Variants in RAPGEF2 observed in about 807,000 individuals in gnomAD.
The protein encoded by RAPGEF2 is PDZ domain containing guanine nucleotide exchange factor (GEF) 1.
Under a neutral mutation model 186.7 loss-of-function variants are expected in RAPGEF2, and 54 were observed. That is an observed-to-expected ratio of 0.29 (90% CI 0.23 to 0.36). The LOEUF is 0.36. Among genes scored for constraint, RAPGEF2 ranks in the 10% least tolerant of loss-of-function variants. RAPGEF2 has a pLI of 1.00. For missense variants in RAPGEF2, 1,532 were observed against 2,045.0 expected (o/e 0.75, Z 4.84); for synonymous variants, 712 against 705.9 (o/e 1.01, Z -0.14).
At chr4:159,138,086 A>T (rs1392074842) in intron 1 of RAPGEF2, among the ~76,000 whole-genome samples, 1 of 152,226 alleles carries the variant, frequency 6.6e-6, no homozygotes, top group African/African-American at 2.4e-5. Context: ...TAATTTTACC[A>T]CATCATGTGG....
chr4:159,304,910 G>GC (rs1561247875), intron 8 of RAPGEF2, among the ~76,000 whole-genome samples: 2 of 152,056 alleles, frequency 1.3e-5, no homozygotes, highest in African/African-American at 2.4e-5. Context: ...ACATTATTTA[G>GC]CTCCCACTTG....
At chr4:159,199,874 TA>T (rs1749221720) in intron 3 of RAPGEF2, among the ~76,000 whole-genome samples, 1 of 151,976 alleles carries the variant, frequency 6.6e-6, no homozygotes, top group South Asian at 2.1e-4. Flanking sequence ...CTTGTGAAGA[TA>T]AAATTGCAGC....
At chr4:159,326,294 C>G (rs185587628) in intron 11 of RAPGEF2, among the ~76,000 whole-genome samples, 4 of 152,204 alleles carry the variant, frequency 2.6e-5, no homozygotes, top group Admixed American at 2.0e-4. Context: ...ACAGTGAGAA[C>G]CATATTTTTA....
intron 4 of RAPGEF2, among the ~76,000 whole-genome samples, chr4:159,224,828 A>G (rs754552348): frequency 1.2e-4 from 19 of 152,202 alleles, no homozygotes; most frequent in Admixed American, 1.3e-4. Flanking sequence ...TAGTATTTCC[A>G]TGGAAAAAGA....
intron 24 of RAPGEF2, among the ~76,000 whole-genome samples, chr4:159,345,596 C>A (rs1730175847): frequency 6.6e-6 from 1 of 152,172 alleles, no homozygotes; most frequent in South Asian, 2.1e-4. Flanking sequence ...CTGGACACAA[C>A]CAGTACACAT....
At chr4:159,135,610 T>C (rs1741635225) in intron 1 of RAPGEF2, among the ~76,000 whole-genome samples, 1 of 152,184 alleles carries the variant, frequency 6.6e-6, no homozygotes, top group Admixed American at 6.5e-5. Flanking sequence ...CTTTCTTTTC[T>C]TTTTTTGAGA....
chr4:159,279,732 G>A (rs539331970), intron 7 of RAPGEF2, among the ~76,000 whole-genome samples: 5 of 151,858 alleles, frequency 3.3e-5, no homozygotes, highest in Admixed American at 3.3e-4. Context: ...AGGCTGGAGT[G>A]CAGTGGTGTG....
chr4:159,339,038 C>T (rs1554040354), intron 18 of RAPGEF2, 76 bp from the exon 19 acceptor site: 3 of 1,510,572 alleles, frequency 2.0e-6, no homozygotes, highest in Admixed American at 2.1e-5. Context: ...GAGCTTTTTT[C>T]TGATTACTTT....
At chr4:159,337,727 A>C (rs1158791869) in intron 17 of RAPGEF2, among the ~76,000 whole-genome samples, 2 of 151,052 alleles carry the variant, frequency 1.3e-5, no homozygotes, top group Non-Finnish European at 3.0e-5. Flanking sequence ...ATCTCTACTC[A>C]AAATACAAAA....
rs769594153 is a variant in RAPGEF2 at position 159,339,199 on chromosome 4, A to G, written c.2379A>G (p.Glu793=). 1.9e-5 allele frequency: 30 copies of G among 1,614,072 alleles called. No individual in the cohort carries two copies. In the Admixed American group the frequency reaches 4.3e-4, roughly 23 times the overall value. The change falls in exon 19 of 30, where the codon GAA becomes GAG. Residue 793 remains glutamate, a synonymous_variant. Transcript: ENST00000691494. The stretch of plus-strand genomic sequence containing the variant: ...TCAGTAAGGACACTACAGCAAAGGA[A>G]GTGGTCATTCAGGCTATCAGGGAGT... ...IMISKDTTAK[E]VVIQAIREFA...
Position 159,341,663 on chromosome 4 carries a change from C to T in RAPGEF2, c.2634C>T (p.Ser878=). The change falls in exon 20 of 30, where the codon AGC becomes AGT. Residue 878 remains serine (S), a synonymous_variant. Coordinates refer to ENST00000691494, the MANE Select transcript of RAPGEF2 (RefSeq NM_001394067.2). The part of the protein sequence containing the change: ...RESQISLLQL[S]TVEVATQLSM... ...GTCAAATTTCCCTCCTTCAGCTCAGCACTGTGGAAGTTGCAACACAGCTCT... is the reference window on the plus strand; with the variant it reads ...GTCAAATTTCCCTCCTTCAGCTCAGTACTGTGGAAGTTGCAACACAGCTCT... 1 of 1,614,096 alleles carries T rather than the reference C, an allele frequency of 6.2e-7. No individual in the cohort carries two copies.
At chr4:159,358,001 AAAAAG>A in intron 29 of RAPGEF2, 108 bp from the exon 30 acceptor site, 3 of 1,103,132 alleles carry the variant, frequency 2.7e-6, no homozygotes, top group Non-Finnish European at 3.8e-6. Flanking sequence ...GAGCTATACT[AAAAAG>A]AATAACTATG....
chr4:159,151,557 A>C (rs1743532310), intron 1 of RAPGEF2, among the ~76,000 whole-genome samples: 1 of 152,240 alleles, frequency 6.6e-6, no homozygotes, highest in African/African-American at 2.4e-5. Flanking sequence ...ATGAATCGGA[A>C]TAAATAAAAT....
chr4:159,340,809 ACACACG>A (rs1345499710), intron 19 of RAPGEF2, among the ~76,000 whole-genome samples: 4 of 142,766 alleles, frequency 2.8e-5, no homozygotes, highest in Non-Finnish European at 6.2e-5. Context: ...ACACACACAC[ACACACG>A]TGTGCGTGCA....
chr4:159,104,507 A>AGAGAGAGAGAGAGAGAGAGAGAGG (rs1737584627), intron 1 of RAPGEF2, among the ~76,000 whole-genome samples: 1 of 127,652 alleles, frequency 7.8e-6, no homozygotes, highest in Non-Finnish European at 1.6e-5. Context: ...AGAGAGAGAG[A>AGAGAGAGAGAGAGAGAGAGAGAGG]GAGAGAGAGA....
chr4:159,283,179 T>C (rs1579754224), intron 7 of RAPGEF2, among the ~76,000 whole-genome samples: 1 of 152,196 alleles, frequency 6.6e-6, no homozygotes, highest in Non-Finnish European at 1.5e-5. Context: ...ATAATACCTT[T>C]GGTTAATGAT....
intron 20 of RAPGEF2, 36 bp downstream of exon 20, chr4:159,341,983 G>C: frequency 6.5e-7 from 1 of 1,530,598 alleles, no homozygotes; most frequent in Non-Finnish European, 8.8e-7. Context: ...ATTCAGTTCA[G>C]TTCACAGATT....
chr4:159,295,748 TGTGTGTGC>T (rs373967945), intron 7 of RAPGEF2, among the ~76,000 whole-genome samples: 6,767 of 111,806 alleles, frequency 0.061, 176 homozygotes, highest in Non-Finnish European at 0.079. Context: ...TGTGTGTGTG[TGTGTGTGC>T]GCGCGCGCGC....
At chr4:159,317,570 G>C (rs573434571) in intron 9 of RAPGEF2, among the ~76,000 whole-genome samples, 1 of 152,122 alleles carries the variant, frequency 6.6e-6, no homozygotes, top group African/African-American at 2.4e-5. Context: ...CTGATATCGC[G>C]TGTTGATCTG....
Sources: allele counts gnomAD v4.1 joint callset (sites outside exome capture counted in the v4.1 genomes callset), GRCh38; gene constraint gnomAD v4.1.1; transcripts MANE v1.5; gene names NCBI Gene and HGNC (gene_info 2026-07-23, HGNC 2026-07-21).